PCDHA10: variants seen among roughly 807,000 people sequenced by gnomAD.
The protein encoded by PCDHA10 is protocadherin alpha 10.
In PCDHA10, 45 loss-of-function variants were observed where a neutral mutation model predicts 61.2. That is an observed-to-expected ratio of 0.74 (90% CI 0.58 to 0.94). PCDHA10 has a LOEUF of 0.94. PCDHA10 is among the 40% of genes least tolerant of loss of function. The probability of loss-of-function intolerance (pLI) is 0.00; values close to 1 mark genes in which losing one functional copy is unlikely to be tolerated. For missense variants in PCDHA10, 1,278 were observed against 1,236.2 expected, an observed-to-expected ratio of 1.03 and a Z score of -0.51; for synonymous variants, 602 against 548.8, an observed-to-expected ratio of 1.10 and a Z score of -1.35.
At chr5:140,884,341 G>C in intron 1 of PCDHA10, 2 of 1,613,910 alleles carry the variant, frequency 1.2e-6, no homozygotes, top group Non-Finnish European at 1.7e-6. Context: ...GTCCAGAAGC[G>C]GCGCTGGTGG....
intron 1 of PCDHA10, among the ~76,000 whole-genome samples, chr5:140,973,394 A>C (rs1263015635): frequency 6.6e-6 from 1 of 152,244 alleles, no homozygotes; most frequent in African/African-American, 2.4e-5. Flanking sequence ...CAAAGAAATC[A>C]TATCTATGAG....
chr5:140,883,339 C>T (rs142984869), intron 1 of PCDHA10: 2 of 1,614,172 alleles, frequency 1.2e-6, no homozygotes, highest in Admixed American at 3.3e-5. Flanking sequence ...CTTTGTCACT[C>T]CCCATCAGAG....
rs527281567 is a variant in PCDHA10 at position 140,992,060 on chromosome 5, A to T, written c.2536+9497A>T. Among the ~76,000 whole-genome samples the T allele has an allele frequency of 3.3e-3, 484 of 147,642 alleles. 5 individuals are homozygous for T. Among genetic ancestry groups the T allele is most frequent in the South Asian group, 0.015 (69 of 4,700 alleles). On this transcript the variant is annotated intron_variant, in intron 3 of 3. Transcript: ENST00000307360. The stretch of plus-strand genomic sequence containing the variant: ...GTGTGTGTGTGTGTGTGTGTAAGTT[A>T]ATTTCAGTAGAGAATGAGCTAGAGT...
chr5:140,863,840 G>T (rs2048198603), intron 1 of PCDHA10: 1 of 181,960 alleles, frequency 5.5e-6, no homozygotes, highest in Admixed American at 5.3e-5. Flanking sequence ...CTCTACTAAA[G>T]ATATAAAAAA....
At chr5:140,935,894 CTT>C (rs55841305) in intron 1 of PCDHA10, among the ~76,000 whole-genome samples, 8 of 136,706 alleles carry the variant, frequency 5.9e-5, no homozygotes, top group Non-Finnish European at 3.1e-5. Context: ...TCAATATTAT[CTT>C]TTTTTTTTTT....
chr5:140,865,389 A>T (rs1184678268), intron 1 of PCDHA10: 2 of 152,350 alleles, frequency 1.3e-5, no homozygotes, highest in Non-Finnish European at 2.9e-5. Flanking sequence ...GGGTAAAGTT[A>T]ATATAAATGC....
At chr5:140,995,851 G>A (rs2097700458) in intron 3 of PCDHA10, among the ~76,000 whole-genome samples, 4 of 152,250 alleles carry the variant, frequency 2.6e-5, no homozygotes, top group South Asian at 2.1e-4. Flanking sequence ...CATTTCTATC[G>A]TATCACTTAA....
At chr5:140,975,027 C>G (rs1235916815) in intron 1 of PCDHA10, among the ~76,000 whole-genome samples, 1 of 152,082 alleles carries the variant, frequency 6.6e-6, no homozygotes, top group Non-Finnish European at 1.5e-5. Flanking sequence ...GCTGTGTTGT[C>G]CTTTGCAGGC....
At chr5:140,971,322 A>G (rs1344853773) in intron 1 of PCDHA10, among the ~76,000 whole-genome samples, 6 of 152,224 alleles carry the variant, frequency 3.9e-5, no homozygotes, top group Admixed American at 3.9e-4. Context: ...TCTAGGGAGA[A>G]AATTATTTCA....
chr5:140,884,590 C>T, intron 1 of PCDHA10: 1 of 1,614,182 alleles, frequency 6.2e-7, no homozygotes, highest in Non-Finnish European at 8.5e-7. Flanking sequence ...CCTTCAGTCC[C>T]AGCCTTCCTC....
chr5:140,966,499 A>AGCG (rs1178498918), intron 1 of PCDHA10: 4 of 431,834 alleles, frequency 9.3e-6, no homozygotes, highest in Non-Finnish European at 1.6e-5. Flanking sequence ...CTGGAGCTGT[A>AGCG]GCGGCAGCAG....
chr5:140,929,205 G>A (rs201292001), intron 1 of PCDHA10: 14 of 1,614,120 alleles, frequency 8.7e-6, no homozygotes, highest in Non-Finnish European at 1.2e-5. Flanking sequence ...GTTTGCTGTT[G>A]CGTGGGGAGT....
At chr5:140,926,771 A>C (rs2083548742) in intron 1 of PCDHA10, 11 of 1,372,492 alleles carry the variant, frequency 8.0e-6, no homozygotes, top group Non-Finnish European at 1.0e-5. Context: ...TCCAGCCCGC[A>C]GCAGTGACGG....
At chr5:140,915,446 GT>G (rs2077122918) in intron 1 of PCDHA10, among the ~76,000 whole-genome samples, 1 of 152,184 alleles carries the variant, frequency 6.6e-6, no homozygotes, top group African/African-American at 2.4e-5. Flanking sequence ...TCTTGAGAAG[GT>G]TTTCCAGAAG....
At chr5:140,942,105 A>G (rs572263085) in intron 1 of PCDHA10, among the ~76,000 whole-genome samples, 2 of 152,344 alleles carry the variant, frequency 1.3e-5, no homozygotes, top group South Asian at 2.1e-4. Context: ...CATTCATATA[A>G]TCAAACTTTA....
At chr5:140,988,556 C>G (rs574182013) in intron 3 of PCDHA10, among the ~76,000 whole-genome samples, 2 of 152,158 alleles carry the variant, frequency 1.3e-5, no homozygotes, top group Non-Finnish European at 2.9e-5. Flanking sequence ...TCTTCATCTT[C>G]TTCTTGGGAA....
rs781787163 is a variant in PCDHA10, at chr5:140,869,186, G to A, written c.2388+10750G>A. 7 of 1,614,006 alleles carry A rather than the reference G, an allele frequency of 4.3e-6. No individual in the cohort carries two copies. The South Asian group carries it at 4.4e-5, about 10-fold the overall frequency. ...CTCCTCGAATTCTGGGAGGTGGGGA[G>A]CGGCCAGCTCCACTACTCCGTCTCG... On this transcript the variant is annotated intron_variant, in intron 1 of 3. Transcript: ENST00000307360.
chr5:140,870,550 G>C (rs371515299), intron 1 of PCDHA10: 2 of 1,614,066 alleles, frequency 1.2e-6, no homozygotes, highest in South Asian at 2.2e-5. Flanking sequence ...GGACGCGGAC[G>C]CGCAGGAGAA....
chr5:140,967,955 A>C (rs1422637534), intron 1 of PCDHA10: 5 of 1,614,078 alleles, frequency 3.1e-6, no homozygotes, highest in Non-Finnish European at 4.2e-6. Flanking sequence ...CTCAGGCCCC[A>C]ACCGGAAAGT....
Sources: gnomAD v4.1 joint callset for allele counts (sites outside exome capture counted in the v4.1 genomes callset) on GRCh38, gnomAD v4.1.1 for gene constraint, MANE v1.5 for transcripts, NCBI Gene and HGNC (gene_info 2026-07-23, HGNC 2026-07-21) for gene names.